CADPS: variants seen among roughly 807,000 people sequenced by gnomAD.
The protein encoded by CADPS is calcium dependent secretion activator.
Under a neutral mutation model 167.3 loss-of-function variants are expected in CADPS, and 57 were observed. That is an observed-to-expected ratio of 0.34 (90% CI 0.28 to 0.42). The LOEUF (loss-of-function observed/expected upper bound fraction) is 0.42, where lower values mean the gene tolerates loss of function less well. Among genes scored for constraint, CADPS ranks in the 20% least tolerant of loss-of-function variants. The probability of loss-of-function intolerance (pLI) is 1.00; values close to 1 mark genes in which losing one functional copy is unlikely to be tolerated. For missense variants in CADPS, 1,414 were observed against 1,738.1 expected (o/e 0.81, Z 3.32); for synonymous variants, 676 against 635.3 (o/e 1.06, Z -0.96).
chr3:62,465,533 A>G lies in CADPS; in HGVS notation c.3553-83T>C, dbSNP rs776530791. The G allele has an allele frequency of 1.5e-5, 14 of 939,690 alleles. No homozygotes were observed. Among genetic ancestry groups the G allele is most frequent in the Admixed American group, 2.2e-5 (1 of 44,812 alleles). The allele number at this position is 939,690 out of a possible 1,614,324, so 58.2% of individuals were successfully genotyped here. A position where few individuals can be genotyped will look rare whatever the true frequency, so the allele number is the denominator to read the frequency against. Reference sequence around the variant, plus strand: ...AAGCACATCATTTCCCCACCACATAAAGGCTGGGATCGAGCCCTCCGTTCA... The same window carrying G: ...AAGCACATCATTTCCCCACCACATAGAGGCTGGGATCGAGCCCTCCGTTCA... On this transcript the variant is annotated intron_variant, in intron 25 of 29. Transcript: ENST00000383710. This position sits in a 1 kb window ranked among gnomAD's most constrained non-coding sequence, Gnocchi z 4.1.
Position 62,825,708 on chromosome 3 carries a change from A to T in CADPS, c.441+48881T>A, listed in dbSNP as rs546321720. Among the ~76,000 whole-genome samples, 6 of 152,298 alleles carry T rather than the reference A, an allele frequency of 3.9e-5. No individual in the cohort carries two copies. The South Asian group carries it at 1.2e-3, about 32-fold the overall frequency. On this transcript the variant is annotated intron_variant, in intron 1 of 29. Coordinates refer to ENST00000383710, the MANE Select transcript of CADPS (RefSeq NM_003716.4). ...TAAGCCCTTTTCCATGCAACCTTTC[A>T]TATCATCACTGCTGGCCATAGAAAA...
At chr3:62,845,569 G>A (rs1269183670) in intron 1 of CADPS, among the ~76,000 whole-genome samples, 1 of 152,030 alleles carries the variant, frequency 6.6e-6, no homozygotes, top group Non-Finnish European at 1.5e-5. Context: ...ATTATAGAGG[G>A]GATTTGGAGG....
intron 8 of CADPS, among the ~76,000 whole-genome samples, chr3:62,571,516 A>T (rs2081279326): frequency 6.6e-6 from 1 of 152,150 alleles, no homozygotes; most frequent in Admixed American, 6.5e-5. Context: ...GAGGGTTGAG[A>T]ACTACAGAGG....
chr3:62,729,891 T>C (rs1263900867), intron 3 of CADPS, among the ~76,000 whole-genome samples: 1 of 151,846 alleles, frequency 6.6e-6, no homozygotes, highest in Admixed American at 6.5e-5. Flanking sequence ...GGCTATACTC[T>C]CAGCTCTCCT....
rs1347649746 is a variant in CADPS, at chr3:62,446,790, C to A, written c.3637-993G>T. Among the ~76,000 whole-genome samples the A allele has an allele frequency of 6.6e-6, 1 of 152,158 alleles. No homozygotes were observed. Among genetic ancestry groups the A allele is most frequent in the Non-Finnish European group, 1.5e-5 (1 of 68,034 alleles). On this transcript the variant is annotated intron_variant, in intron 26 of 29. Transcript: ENST00000383710. The surrounding 1 kb of genome is among the most constrained non-coding windows in gnomAD (Gnocchi z 4.9). ...CTGTGTGTTTCATTTTGACTCAGGT[C>A]ACACATGTTTCTCTAGGCACAATTA...
chr3:62,727,306 C>T (rs1396004910), intron 3 of CADPS, among the ~76,000 whole-genome samples: 1 of 151,864 alleles, frequency 6.6e-6, no homozygotes, highest in East Asian at 1.9e-4. Context: ...ATAAATAAAG[C>T]TCATAGATGT....
rs796988439 is a variant in CADPS at position 62,547,376 on chromosome 3, G to A, written c.1966+2527C>T. On this transcript the variant is annotated intron_variant, in intron 11 of 29. Transcript: ENST00000383710. ...TATTACACAGTCTCCATAGCTGATTGTAGTGGCTTGTTCTTTTAGAACCTG... is the reference window on the plus strand; with the variant it reads ...TATTACACAGTCTCCATAGCTGATTATAGTGGCTTGTTCTTTTAGAACCTG... Among the ~76,000 whole-genome samples, 23 of 152,218 alleles carry A rather than the reference G, an allele frequency of 1.5e-4. 1 individual carries two copies. The highest frequency in any genetic ancestry group is 5.1e-4 in the African/African-American group (21 of 41,530).
At chr3:62,401,742 T>G (rs1393721341) in intron 29 of CADPS, among the ~76,000 whole-genome samples, 5 of 151,448 alleles carry the variant, frequency 3.3e-5, no homozygotes, top group African/African-American at 9.8e-5. Flanking sequence ...ATTTTTTTTT[T>G]TTTGTTTTGG....
rs1269460556 is a variant in CADPS, at chr3:62,532,725, G to A, written c.2291+146C>T. The A allele has an allele frequency of 1.8e-5, 7 of 384,778 alleles. No homozygotes were observed. In the East Asian group the frequency reaches 3.1e-4, roughly 17 times the overall value. 23.8% of individuals were successfully genotyped at this position (384,778 alleles called of 1,614,324 possible). A position where few individuals can be genotyped will look rare whatever the true frequency, so the allele number is the denominator to read the frequency against. On this transcript the variant is annotated intron_variant, in intron 13 of 29. Transcript: ENST00000383710. Reference sequence around the variant, plus strand: ...AAGAAAGTTAGTGCCCTTTGTGTGTGTGTGTGTGTGTGTGTGTGTGTGTGT... The same window carrying A: ...AAGAAAGTTAGTGCCCTTTGTGTGTATGTGTGTGTGTGTGTGTGTGTGTGT...
intron 3 of CADPS, among the ~76,000 whole-genome samples, chr3:62,714,545 G>C (rs1373542598): frequency 6.6e-6 from 1 of 152,156 alleles, no homozygotes; most frequent in Non-Finnish European, 1.5e-5. Flanking sequence ...AGGGAGGAAG[G>C]TCATTTGGTG....
chr3:62,662,275 T>C (rs1175488108), intron 4 of CADPS, 39 bp downstream of exon 4: 3 of 1,539,532 alleles, frequency 1.9e-6, no homozygotes, highest in Non-Finnish European at 2.7e-6. Context: ...AGTGGGACTT[T>C]GGCCTGGACC....
At chr3:62,561,078 C>CAA (rs34584073) in intron 9 of CADPS, among the ~76,000 whole-genome samples, 3,226 of 82,838 alleles carry the variant, frequency 0.039, 242 homozygotes, top group Middle Eastern at 0.058. Context: ...AACTCCATCT[C>CAA]AAAAAAAAAA....
chr3:62,683,500 G>C (rs186241579), intron 3 of CADPS, among the ~76,000 whole-genome samples: 2 of 152,030 alleles, frequency 1.3e-5, no homozygotes, highest in Non-Finnish European at 2.9e-5. Flanking sequence ...AAGTAGCAAA[G>C]ATAGTACAGA....
chr3:62,646,968 C>T (rs1444461114), intron 5 of CADPS, among the ~76,000 whole-genome samples: 1 of 152,170 alleles, frequency 6.6e-6, no homozygotes, highest in East Asian at 1.9e-4. Flanking sequence ...GTATCATTTA[C>T]AGTTTCTGGC....
chr3:62,812,777 T>C (rs1243908098), intron 1 of CADPS, among the ~76,000 whole-genome samples: 1 of 152,186 alleles, frequency 6.6e-6, no homozygotes, highest in Non-Finnish European at 1.5e-5. Flanking sequence ...CATCTCTCCA[T>C]AAGAGAGAGC....
At chr3:62,809,703 C>T (rs1020299025) in intron 1 of CADPS, among the ~76,000 whole-genome samples, 1 of 152,100 alleles carries the variant, frequency 6.6e-6, no homozygotes, top group African/African-American at 2.4e-5. Flanking sequence ...ACGTCAGGTC[C>T]ACAAGAGGAG....
intron 9 of CADPS, among the ~76,000 whole-genome samples, chr3:62,565,125 T>C (rs35772880): frequency 6.6e-5 from 10 of 152,182 alleles, no homozygotes; most frequent in African/African-American, 2.2e-4. Flanking sequence ...CTAACAGTAG[T>C]AATCAATGTG....
intron 2 of CADPS, among the ~76,000 whole-genome samples, chr3:62,765,667 G>A (rs190575114): frequency 1.2e-4 from 18 of 152,254 alleles, no homozygotes; most frequent in South Asian, 2.1e-4. Context: ...ATAAAATTCC[G>A]TTGTTAAATA....
chr3:62,612,941 T>C (rs984039240), intron 6 of CADPS, among the ~76,000 whole-genome samples: 3 of 152,120 alleles, frequency 2.0e-5, no homozygotes, highest in Admixed American at 6.5e-5. Context: ...AAGGAGTTCA[T>C]AGTGTTTGGG....
Sources: gnomAD v4.1 joint callset for allele counts (sites outside exome capture counted in the v4.1 genomes callset) on GRCh38, gnomAD v4.1.1 for gene constraint, Gnocchi (gnomAD v3.1) non-coding constraint, MANE v1.5 for transcripts, NCBI Gene and HGNC (gene_info 2026-07-23, HGNC 2026-07-21) for gene names.